CLDN18: variants seen among roughly 807,000 people sequenced by gnomAD.
CLDN18 encodes the protein claudin-18.
Under a neutral mutation model 25.0 loss-of-function variants are expected in CLDN18, and 20 were observed. The observed-to-expected ratio is 0.80, with a 90% CI of 0.56 to 1.16. The LOEUF (loss-of-function observed/expected upper bound fraction) is 1.16. Ranked by LOEUF, CLDN18 falls within the 50% of genes most tolerant of loss-of-function variation. The probability of loss-of-function intolerance (pLI) is 0.00; values close to 1 mark genes in which losing one functional copy is unlikely to be tolerated. For synonymous variants in CLDN18, 125 were observed against 135.6 expected (o/e 0.92, Z 0.54); for missense variants, 297 against 345.4 (o/e 0.86, Z 1.11).
chr3:138,008,519 C>T (rs191695687), upstream of CLDN18, among the ~76,000 whole-genome samples: 164 of 152,152 alleles, frequency 1.1e-3, 1 homozygote, highest in African/African-American at 3.4e-3. Context: ...AGGAGAATCG[C>T]TTGAACCCAG....
intron 1 of CLDN18, among the ~76,000 whole-genome samples, chr3:138,001,173 T>C: frequency 6.6e-6 from 1 of 152,322 alleles, no homozygotes; most frequent in South Asian, 2.1e-4. Flanking sequence ...TAAAACCCTG[T>C]CCTGTCCGCA....
At chr3:138,017,281 A>C (rs964385472) in intron 1 of CLDN18, among the ~76,000 whole-genome samples, 1 of 151,870 alleles carries the variant, frequency 6.6e-6, no homozygotes, top group African/African-American at 2.4e-5. Flanking sequence ...TCCCCATCCT[A>C]CCCGTGTTCT....
upstream of CLDN18, among the ~76,000 whole-genome samples, chr3:138,008,201 G>C (rs1306122861): frequency 2.8e-5 from 4 of 142,238 alleles, no homozygotes; most frequent in Admixed American, 2.8e-4. Flanking sequence ...AAAGGTTAAA[G>C]ATTGGAGTAT....
intron 4 of CLDN18, 56 bp from the exon 5 acceptor site, chr3:138,030,914 G>A: frequency 6.8e-7 from 1 of 1,480,848 alleles, no homozygotes; most frequent in Non-Finnish European, 9.3e-7. Flanking sequence ...GTAAATAGGA[G>A]GTTGGTCCTA....
In CLDN18 at chr3:138,032,683, A is replaced by G. The variant is rs1053767226; in HGVS notation, c.*1542A>G. 6 of 152,104 alleles carry G rather than the reference A, an allele frequency of 3.9e-5. No individual in the cohort carries two copies. The highest frequency in any genetic ancestry group is 7.3e-5 in the Non-Finnish European group (5 of 68,040). The allele number at this position is 152,104 out of a possible 1,614,324, so 9.4% of individuals were successfully genotyped here. The stretch of plus-strand genomic sequence containing the variant: ...GGCCTCAAACTCCTGCACTCAAGCA[A>G]TTCTTCTACCCTGGCCTCCCAAGTA... On this transcript the variant is annotated 3_prime_UTR_variant, in exon 5 of 5. Coordinates refer to ENST00000183605, the MANE Select transcript of CLDN18 (RefSeq NM_016369.4).
At position 138,010,186 on chromosome 3, in the gene CLDN18, C is replaced by T. The variant is rs754081703; in HGVS notation, c.-40C>T. 7 of 1,598,714 alleles carry T rather than the reference C, an allele frequency of 4.4e-6. No individual in the cohort carries two copies. Among genetic ancestry groups the T allele is most frequent in the African/African-American group, 1.3e-5 (1 of 74,658 alleles). On this transcript the variant is annotated 5_prime_UTR_variant, in exon 1 of 5. Transcript: ENST00000183605. ...CTTCACACCTTCGGCAGCAGGAGGG[C>T]GGCAGCTTCTCGCAGGCGGCAGGGC...
chr3:138,012,195 A>G (rs1942143141), intron 1 of CLDN18, among the ~76,000 whole-genome samples: 2 of 152,162 alleles, frequency 1.3e-5, no homozygotes, highest in Middle Eastern at 3.4e-3. Flanking sequence ...ACCAAATTAA[A>G]AGACTAAGTT....
chr3:138,003,680 T>A (rs1401892729), intron 1 of CLDN18, among the ~76,000 whole-genome samples: 2 of 152,190 alleles, frequency 1.3e-5, no homozygotes, highest in Non-Finnish European at 2.9e-5. Context: ...ATGGGGCTAT[T>A]ATTAAAATGT....
chr3:138,026,955 C>A (rs1479470438), intron 3 of CLDN18, among the ~76,000 whole-genome samples: 4 of 152,152 alleles, frequency 2.6e-5, no homozygotes, highest in African/African-American at 9.7e-5. Context: ...GCTTCAGTGG[C>A]TAAACCAAAG....
chr3:138,012,643 C>T (rs751002230), intron 1 of CLDN18, among the ~76,000 whole-genome samples: 10 of 152,194 alleles, frequency 6.6e-5, no homozygotes, highest in Non-Finnish European at 1.5e-5. Context: ...GTCTCTGTAC[C>T]AAACCCAGAG....
rs148117625 is a variant in CLDN18, at chr3:138,019,273, C to T, written c.221-4385C>T. On this transcript the variant is annotated intron_variant, in intron 1 of 4. Coordinates refer to ENST00000183605, the MANE Select transcript of CLDN18 (RefSeq NM_016369.4). The stretch of plus-strand genomic sequence containing the variant: ...TCTGTAGAATTTTACAAGGTACAAA[C>T]GACCTCTGTGTCGATTCCCTGGAAT... Among the ~76,000 whole-genome samples the T allele has an allele frequency of 4.7e-3, 709 of 152,314 alleles. 5 individuals are homozygous for T. The highest frequency in any genetic ancestry group is 0.015 in the African/African-American group (637 of 41,558).
At chr3:138,009,389 G>A (rs1015377481), upstream of CLDN18, among the ~76,000 whole-genome samples, 1 of 152,186 alleles carries the variant, frequency 6.6e-6, no homozygotes, top group Admixed American at 6.5e-5. Context: ...CTTGTGGCAC[G>A]AGTGAAAGCA....
chr3:137,999,193 C>T (rs926945465), intron 1 of CLDN18: 1 of 1,020,352 alleles, frequency 9.8e-7, no homozygotes, highest in African/African-American at 1.6e-5. Flanking sequence ...GAGGGAGGAA[C>T]TGCGATTCGT....
At chr3:138,018,747 G>A (rs1023535678) in intron 1 of CLDN18, among the ~76,000 whole-genome samples, 1 of 152,188 alleles carries the variant, frequency 6.6e-6, no homozygotes, top group Non-Finnish European at 1.5e-5. Context: ...ATTTTGGAGG[G>A]AAACACACAT....
chr3:138,020,088 G>T (rs3773770), intron 1 of CLDN18, among the ~76,000 whole-genome samples: 76,178 of 151,952 alleles, frequency 0.5, 20,410 homozygotes, highest in Middle Eastern at 0.63. Context: ...TTTACTTATC[G>T]ATAGAGAAGA....
chr3:138,022,365 C>G (rs1411738235), intron 1 of CLDN18, among the ~76,000 whole-genome samples: 3 of 152,082 alleles, frequency 2.0e-5, no homozygotes, highest in Non-Finnish European at 4.4e-5. Context: ...ACCAAGCTGG[C>G]CCACAAACTA....
At chr3:138,010,622 G>A (rs1942126464) in intron 1 of CLDN18, among the ~76,000 whole-genome samples, 177 bp downstream of exon 1, 2 of 152,228 alleles carry the variant, frequency 1.3e-5, no homozygotes, top group South Asian at 4.1e-4. Flanking sequence ...AGTCATGCAG[G>A]AGAAAATGGG....
At chr3:138,011,633 A>T (rs1180068864) in intron 1 of CLDN18, among the ~76,000 whole-genome samples, 4 of 152,280 alleles carry the variant, frequency 2.6e-5, no homozygotes, top group South Asian at 2.1e-4. Flanking sequence ...GAAATGCCAC[A>T]CAGAGTGTTG....
upstream of CLDN18, among the ~76,000 whole-genome samples, chr3:138,007,817 G>T (rs925913466): frequency 1.3e-5 from 2 of 152,118 alleles, no homozygotes; most frequent in Non-Finnish European, 2.9e-5. Flanking sequence ...AACCTAATTG[G>T]TCAATCTATG....
Sources: allele counts gnomAD v4.1 joint callset (sites outside exome capture counted in the v4.1 genomes callset), GRCh38; gene constraint gnomAD v4.1.1; transcripts MANE v1.5; gene names NCBI Gene and HGNC (gene_info 2026-07-23, HGNC 2026-07-21).